LRRC4C: variants seen among roughly 807,000 people sequenced by gnomAD.
The protein encoded by LRRC4C is leucine-rich repeat-containing protein 4C.
A neutral mutation model predicts 33.6 loss-of-function variants in LRRC4C; 5 were observed. The observed-to-expected ratio is 0.15, with a 90% CI of 0.08 to 0.31. The LOEUF (loss-of-function observed/expected upper bound fraction) is 0.31. Among genes scored for constraint, LRRC4C ranks in the 10% least tolerant of loss-of-function variants. The pLI, the probability that LRRC4C is intolerant of heterozygous loss-of-function variation, is 1.00. For missense variants in LRRC4C, 560 were observed against 796.7 expected (o/e 0.70, Z 3.58); for synonymous variants, 329 against 302.0 (o/e 1.09, Z -0.93).
intron 3 of LRRC4C, among the ~76,000 whole-genome samples, chr11:40,463,410 A>G (rs1952502868): frequency 6.6e-6 from 1 of 151,794 alleles, no homozygotes; most frequent in African/African-American, 2.4e-5. Context: ...AACAATTGGC[A>G]AATGCTTACT....
At chr11:41,007,381 A>T (rs1031738201) in intron 1 of LRRC4C, among the ~76,000 whole-genome samples, 9 of 151,648 alleles carry the variant, frequency 5.9e-5, no homozygotes, top group Admixed American at 1.3e-4. Flanking sequence ...TTTTTTTTTT[A>T]AACTTTTCAG....
At chr11:41,207,863 G>T (rs1437926952) in intron 1 of LRRC4C, among the ~76,000 whole-genome samples, 1 of 152,106 alleles carries the variant, frequency 6.6e-6, no homozygotes, top group African/African-American at 2.4e-5. Context: ...TGTGAAGTGG[G>T]GTGCTGATTT....
At chr11:40,933,322 T>A (rs941746266) in intron 2 of LRRC4C, among the ~76,000 whole-genome samples, 2 of 152,360 alleles carry the variant, frequency 1.3e-5, no homozygotes, top group South Asian at 2.1e-4. Context: ...CACAGGTGTG[T>A]GCAGCAACCC....
chr11:40,356,851 T>A (rs1390665733), intron 3 of LRRC4C, among the ~76,000 whole-genome samples: 1 of 152,170 alleles, frequency 6.6e-6, no homozygotes, highest in Non-Finnish European at 1.5e-5. Context: ...TATATTTGAT[T>A]TTTTAAAATC....
intron 5 of LRRC4C, among the ~76,000 whole-genome samples, chr11:40,150,903 G>A (rs1441877647): frequency 6.6e-6 from 1 of 152,044 alleles, no homozygotes; most frequent in East Asian, 1.9e-4. Flanking sequence ...GTTAAGATTT[G>A]CTTAGGGATT....
At chr11:41,105,582 A>G (rs1941449067) in intron 1 of LRRC4C, among the ~76,000 whole-genome samples, 1 of 152,088 alleles carries the variant, frequency 6.6e-6, no homozygotes, top group Non-Finnish European at 1.5e-5. Flanking sequence ...AGTCAAAGAA[A>G]GGCAATAGGA....
chr11:40,512,013 G>T (rs1955340479), intron 3 of LRRC4C, among the ~76,000 whole-genome samples: 1 of 151,990 alleles, frequency 6.6e-6, no homozygotes, highest in Admixed American at 6.6e-5. Context: ...GCATGTATTA[G>T]TGCAGGATGA....
intron 3 of LRRC4C, among the ~76,000 whole-genome samples, chr11:40,586,878 C>A (rs1402202543): frequency 1.3e-5 from 2 of 152,090 alleles, no homozygotes; most frequent in African/African-American, 4.8e-5. Context: ...GTTACTGTAG[C>A]CTTGTAGTAT....
At chr11:40,340,684 T>A (rs975200968) in intron 3 of LRRC4C, among the ~76,000 whole-genome samples, 9 of 152,102 alleles carry the variant, frequency 5.9e-5, no homozygotes, top group African/African-American at 2.2e-4. Flanking sequence ...ATCAAGAAAT[T>A]GAAGATCAGA....
chr11:41,115,064 C>T (rs1011652805), intron 1 of LRRC4C, among the ~76,000 whole-genome samples: 10 of 151,914 alleles, frequency 6.6e-5, no homozygotes, highest in Non-Finnish European at 1.5e-4. Context: ...AGTATTTTCT[C>T]TCTGATATAT....
intron 1 of LRRC4C, among the ~76,000 whole-genome samples, chr11:41,081,505 C>T (rs1404361280): frequency 3.3e-5 from 5 of 152,050 alleles, no homozygotes; most frequent in African/African-American, 1.2e-4. Context: ...GTCATTTCTG[C>T]CTGCTAAACT....
intron 3 of LRRC4C, among the ~76,000 whole-genome samples, chr11:40,414,373 A>T (rs575823072): frequency 1.7e-4 from 26 of 152,238 alleles, no homozygotes; most frequent in South Asian, 6.2e-4. Flanking sequence ...AGTATTTCCA[A>T]ATCCACTTTC....
chr11:40,298,720 T>C (rs1292527436), intron 4 of LRRC4C, among the ~76,000 whole-genome samples: 1 of 152,052 alleles, frequency 6.6e-6, no homozygotes, highest in Non-Finnish European at 1.5e-5. Context: ...ATAGGTTTAA[T>C]TGACTCACAG....
chr11:40,366,560 A>T (rs930631367), intron 3 of LRRC4C, among the ~76,000 whole-genome samples: 4 of 152,074 alleles, frequency 2.6e-5, no homozygotes, highest in Admixed American at 6.6e-5. Flanking sequence ...GCCTTACATG[A>T]ATTATATATG....
intron 1 of LRRC4C, among the ~76,000 whole-genome samples, chr11:41,361,340 T>G (rs919435400): frequency 6.6e-6 from 1 of 152,208 alleles, no homozygotes; most frequent in Admixed American, 6.5e-5. Context: ...TTGTAGGAGT[T>G]ACAGAAAATA....
chr11:40,412,711 G>C (rs1045743490), intron 3 of LRRC4C, among the ~76,000 whole-genome samples: 1 of 151,924 alleles, frequency 6.6e-6, no homozygotes, highest in Non-Finnish European at 1.5e-5. Context: ...AAGAGCATTT[G>C]TCCCGGAGTT....
At chr11:40,527,978 T>C (rs1158414362) in intron 3 of LRRC4C, among the ~76,000 whole-genome samples, 1 of 152,114 alleles carries the variant, frequency 6.6e-6, no homozygotes, top group Non-Finnish European at 1.5e-5. Flanking sequence ...ACTCCTGACC[T>C]CAAGTGATCC....
At chr11:40,454,344 G>A (rs11822290) in intron 3 of LRRC4C, among the ~76,000 whole-genome samples, 3 of 151,950 alleles carry the variant, frequency 2.0e-5, no homozygotes, top group African/African-American at 7.3e-5. Context: ...TTTCAAATAT[G>A]AGAGCTATAG....
chr11:41,251,653 G>A (rs1591066102), intron 1 of LRRC4C, among the ~76,000 whole-genome samples: 1 of 152,252 alleles, frequency 6.6e-6, no homozygotes, highest in African/African-American at 2.4e-5. Context: ...GACTAATTTG[G>A]AGCCAAACTA....
Sources: allele counts gnomAD v4.1 joint callset (sites outside exome capture counted in the v4.1 genomes callset), GRCh38; gene constraint gnomAD v4.1.1; transcripts MANE v1.5; gene names NCBI Gene and HGNC (gene_info 2026-07-23, HGNC 2026-07-21).